ADAM22: variants seen among roughly 807,000 people sequenced by gnomAD.
The protein encoded by ADAM22 is disintegrin and metalloproteinase domain-containing protein 22.
A neutral mutation model predicts 144.6 loss-of-function variants in ADAM22; 65 were observed. The ratio of observed to expected loss-of-function variants is 0.45; its 90% CI spans 0.37 to 0.55. ADAM22 has a LOEUF of 0.55. ADAM22 is among the 20% of genes least tolerant of loss of function. The probability of loss-of-function intolerance (pLI) is 0.00; values close to 1 mark genes in which losing one functional copy is unlikely to be tolerated. For synonymous variants in ADAM22, 391 were observed against 412.6 expected, an observed-to-expected ratio of 0.95 and a Z score of 0.63; for missense variants, 974 against 1,184.9, an observed-to-expected ratio of 0.82 and a Z score of 2.61.
chr7:88,175,997 G>T (rs185205521), intron 26 of ADAM22, among the ~76,000 whole-genome samples: 1 of 152,026 alleles, frequency 6.6e-6, no homozygotes, highest in East Asian at 1.9e-4. Flanking sequence ...TTTTGAGATG[G>T]AGTTTCGCTC....
At chr7:87,940,092 G>A (rs990278446) in intron 2 of ADAM22, among the ~76,000 whole-genome samples, 1 of 147,804 alleles carries the variant, frequency 6.8e-6, no homozygotes, top group African/African-American at 2.5e-5. Flanking sequence ...TGAGGCATGA[G>A]AATCACTTGA....
At chr7:88,141,625 A>G (rs1384270373) in intron 14 of ADAM22, among the ~76,000 whole-genome samples, 1 of 152,112 alleles carries the variant, frequency 6.6e-6, no homozygotes. Context: ...AGTAATAACC[A>G]TGGTTGATAT....
chr7:88,097,255 G>A (rs1347428009), intron 4 of ADAM22, among the ~76,000 whole-genome samples: 1 of 149,970 alleles, frequency 6.7e-6, no homozygotes, highest in Non-Finnish European at 1.5e-5. Context: ...ACGTTCAAGC[G>A]ATTCTTGTGC....
chr7:88,022,789 C>G (rs1204124294), intron 3 of ADAM22, among the ~76,000 whole-genome samples: 1 of 152,078 alleles, frequency 6.6e-6, no homozygotes, highest in Non-Finnish European at 1.5e-5. Flanking sequence ...ACTCTGTCTT[C>G]TGGCCAAATA....
intron 31 of ADAM22, among the ~76,000 whole-genome samples, chr7:88,194,143 G>C (rs1055874204): frequency 1.4e-4 from 21 of 152,292 alleles, no homozygotes; most frequent in African/African-American, 4.6e-4. Flanking sequence ...ATCTGAGACT[G>C]AGGTCATTCC....
intron 2 of ADAM22, among the ~76,000 whole-genome samples, chr7:87,953,119 T>G (rs1435818102): frequency 6.8e-6 from 1 of 147,986 alleles, no homozygotes; most frequent in Admixed American, 6.7e-5. Flanking sequence ...TTTTGAAGGG[T>G]TTTTTTTTTG....
chr7:88,175,359 C>T (rs2129536300), intron 26 of ADAM22, among the ~76,000 whole-genome samples: 1 of 152,200 alleles, frequency 6.6e-6, no homozygotes, highest in South Asian at 2.1e-4. Context: ...TTAGCTCCCC[C>T]AGAGTCATTA....
rs1000039261 is a variant in ADAM22, at chr7:88,197,777, G to C, written c.*1286G>C. 6.6e-6 allele frequency: 1 copy of C among 152,118 alleles called. No individual in the cohort carries two copies. The highest frequency in any genetic ancestry group is 1.5e-5 in the Non-Finnish European group (1 of 68,034). 9.4% of individuals were successfully genotyped at this position (152,118 alleles called of 1,614,324 possible). A position where few individuals can be genotyped will look rare whatever the true frequency, so the allele number is the denominator to read the frequency against. On this transcript the variant is annotated 3_prime_UTR_variant, in exon 32 of 32. Coordinates refer to ENST00000413139, the MANE Select transcript of ADAM22 (RefSeq NM_001324418.2). Reference sequence around the variant, plus strand: ...TGCACTGACTCTGAAGCAAGATGACGGAAGATTCTACTGTTTGAGTTGAGC... The same window carrying C: ...TGCACTGACTCTGAAGCAAGATGACCGAAGATTCTACTGTTTGAGTTGAGC...
intron 1 of ADAM22, 162 bp from the exon 2 acceptor site, chr7:87,934,864 G>A (rs2279541): frequency 1.0e-6 from 1 of 1,000,648 alleles, no homozygotes; most frequent in South Asian, 1.5e-5. Context: ...CAAGGCTCTC[G>A]GGCTGGTGTC....
At chr7:87,973,030 C>T (rs551025380) in intron 2 of ADAM22, among the ~76,000 whole-genome samples, 12 of 152,108 alleles carry the variant, frequency 7.9e-5, no homozygotes, top group African/African-American at 2.4e-4. Context: ...GACATAGGCA[C>T]GGGCAGACTT....
Position 88,091,330 on chromosome 7 carries a change from T to C in ADAM22, c.390+15638T>C, listed in dbSNP as rs538031728. Among the ~76,000 whole-genome samples, 18 of 152,332 alleles carry C rather than the reference T, an allele frequency of 1.2e-4. No individual in the cohort carries two copies. The South Asian group carries it at 3.1e-3, about 26-fold the overall frequency. On this transcript the variant is annotated intron_variant, in intron 4 of 31. Transcript: ENST00000413139. Reference sequence around the variant, plus strand: ...TTAAAAAATATAATGACTTGTTGTATTTCTGTTTTACATCATTGTCAAAGT... The same window carrying C: ...TTAAAAAATATAATGACTTGTTGTACTTCTGTTTTACATCATTGTCAAAGT...
intron 3 of ADAM22, among the ~76,000 whole-genome samples, chr7:87,980,042 A>G (rs1688891): frequency 0.52 from 79,104 of 151,948 alleles, 20,909 homozygotes; most frequent in Non-Finnish European, 0.53. Context: ...TGCCTCACTT[A>G]CTTTGGAGAC....
At chr7:88,049,048 A>G (rs1805460031) in intron 3 of ADAM22, among the ~76,000 whole-genome samples, 1 of 152,196 alleles carries the variant, frequency 6.6e-6, no homozygotes, top group South Asian at 2.1e-4. Flanking sequence ...TTTATTTTAA[A>G]TAATTGATCA....
At chr7:88,089,168 G>A (rs909293195) in intron 4 of ADAM22, among the ~76,000 whole-genome samples, 5 of 151,912 alleles carry the variant, frequency 3.3e-5, no homozygotes, top group African/African-American at 1.2e-4. Context: ...TGCTTACCCT[G>A]GATATAAAAT....
chr7:88,031,145 CA>C (rs1368505983), intron 3 of ADAM22, among the ~76,000 whole-genome samples: 3 of 151,842 alleles, frequency 2.0e-5, no homozygotes, highest in Admixed American at 6.6e-5. Context: ...AACAAAAAAC[CA>C]ACTTCTTTTC....
At chr7:88,113,703 A>AATGTGCATATAT (rs1554478727) in intron 5 of ADAM22, among the ~76,000 whole-genome samples, 1 of 48,106 alleles carries the variant, frequency 2.1e-5, no homozygotes, top group South Asian at 1.2e-3. Context: ...TAAATAAATA[A>AATGTGCATATAT]ATATATATAT....
intron 3 of ADAM22, among the ~76,000 whole-genome samples, chr7:88,051,442 A>G (rs940220753): frequency 1.2e-4 from 18 of 152,232 alleles, no homozygotes; most frequent in South Asian, 4.1e-4. Context: ...TGAGCAAACT[A>G]TCACAAGGAC....
chr7:87,967,701 G>A (rs1264771877), intron 2 of ADAM22, among the ~76,000 whole-genome samples: 1 of 151,112 alleles, frequency 6.6e-6, no homozygotes, highest in East Asian at 1.9e-4. Context: ...CCAGCTATTC[G>A]GGAGGCTGAG....
chr7:88,023,737 A>G (rs1585080109), intron 3 of ADAM22, among the ~76,000 whole-genome samples: 2 of 152,240 alleles, frequency 1.3e-5, no homozygotes, highest in East Asian at 3.9e-4. Flanking sequence ...TTAAATTGTT[A>G]TTGACTATAG....
Sources: gnomAD v4.1 joint callset for allele counts (sites outside exome capture counted in the v4.1 genomes callset) on GRCh38, gnomAD v4.1.1 for gene constraint, MANE v1.5 for transcripts, NCBI Gene and HGNC (gene_info 2026-07-23, HGNC 2026-07-21) for gene names.